The following DMD variants were observed in gnomAD, a reference collection of about 807,000 sequenced individuals.
The protein encoded by DMD is dystrophin.
Under a neutral mutation model 330.1 loss-of-function variants are expected in DMD, and 63 were observed. The observed-to-expected ratio is 0.19, with a 90% CI of 0.16 to 0.24. The LOEUF is 0.24. DMD is among the 10% of genes least tolerant of loss of function. The probability of loss-of-function intolerance (pLI) is 1.00; values close to 1 mark genes in which losing one functional copy is unlikely to be tolerated. For missense variants in DMD, 3,344 were observed against 2,684.1 expected (o/e 1.25, Z -5.43); for synonymous variants, 1,223 against 959.8 (o/e 1.27, Z -5.07).
rs1470748309 is a variant in DMD at position 32,734,119 on chromosome X, G to A, written c.650-34826C>T. ...CCCACAGAAATACAAACTACCATCAGAGAATACTACAAACACCTCTACGCA... is the reference window on the plus strand; with the variant it reads ...CCCACAGAAATACAAACTACCATCAAAGAATACTACAAACACCTCTACGCA... On this transcript the variant is annotated intron_variant, in intron 7 of 78. Transcript: ENST00000357033. Among the ~76,000 whole-genome samples, 281 of 108,225 alleles carry A rather than the reference G, an allele frequency of 2.6e-3. 2 individuals are homozygous for A. Among genetic ancestry groups the A allele is most frequent in the African/African-American group, 8.7e-3 (254 of 29,148 alleles). 94.0% of individuals were successfully genotyped at this position (108,225 alleles called of 115,157 possible). A position where few individuals can be genotyped will look rare whatever the true frequency, so the allele number is the denominator to read the frequency against.
chrX:31,763,707 T>TA (rs2089793667), intron 51 of DMD, among the ~76,000 whole-genome samples: 1 of 112,367 alleles, frequency 8.9e-6, no homozygotes, highest in Non-Finnish European at 1.9e-5. Context: ...ATAATCATTA[T>TA]ATTAATCAAC....
intron 2 of DMD, among the ~76,000 whole-genome samples, chrX:32,899,458 G>C (rs1243903723): frequency 1.8e-5 from 2 of 109,790 alleles, no homozygotes; most frequent in Non-Finnish European, 3.8e-5. Context: ...GGCGGATCAC[G>C]AGATCAAGAG....
intron 7 of DMD, among the ~76,000 whole-genome samples, chrX:32,717,475 A>T (rs2065849757): frequency 8.9e-6 from 1 of 111,840 alleles, no homozygotes; most frequent in South Asian, 3.7e-4. Context: ...GAGAGCATCC[A>T]CCTAGATTTC....
intron 1 of DMD, among the ~76,000 whole-genome samples, chrX:33,170,193 G>T (rs2049267598): frequency 9.0e-6 from 1 of 110,890 alleles, no homozygotes; most frequent in Non-Finnish European, 1.9e-5. Flanking sequence ...GAAGACGAGG[G>T]CTTTGCCGTT....
intron 4 of DMD, among the ~76,000 whole-genome samples, chrX:32,839,056 A>AT (rs1160407630): frequency 3.6e-5 from 4 of 111,874 alleles, no homozygotes; most frequent in African/African-American, 9.8e-5. Flanking sequence ...CTTATGACCC[A>AT]TTTAATTTCT....
At chrX:31,784,431 G>A (rs1036859652) in intron 50 of DMD, among the ~76,000 whole-genome samples, 5 of 111,743 alleles carry the variant, frequency 4.5e-5, no homozygotes, top group Non-Finnish European at 7.5e-5. Context: ...ATGGAAAACC[G>A]TATGGAAGTT....
intron 46 of DMD, 79 bp downstream of exon 46, chrX:31,932,001 C>A: frequency 9.1e-7 from 1 of 1,102,358 alleles, no homozygotes; most frequent in Non-Finnish European, 1.2e-6. Flanking sequence ...GGGCAGAAAA[C>A]CAATGATTGA....
chrX:32,192,170 G>C (rs1409277929), intron 44 of DMD, among the ~76,000 whole-genome samples: 4 of 111,559 alleles, frequency 3.6e-5, no homozygotes, highest in African/African-American at 1.3e-4. Context: ...AAGAATCCCT[G>C]GTTCCTTCAC....
chrX:31,926,495 C>A (rs905515141), intron 47 of DMD, among the ~76,000 whole-genome samples: 1 of 110,004 alleles, frequency 9.1e-6, no homozygotes. Flanking sequence ...GCCGACATGG[C>A]GAACCCTCCA....
At chrX:32,728,751 A>G (rs1449391324) in intron 7 of DMD, among the ~76,000 whole-genome samples, 3 of 111,437 alleles carry the variant, frequency 2.7e-5, no homozygotes, top group African/African-American at 9.8e-5. Context: ...ATTTTTTTGA[A>G]TCTCTTGGCT....
Position 32,590,573 on chromosome X carries a change from A to G in DMD, c.1602+5184T>C, listed in dbSNP as rs180893518. On this transcript the variant is annotated intron_variant, in intron 13 of 78. Coordinates refer to ENST00000357033, the MANE Select transcript of DMD (RefSeq NM_004006.3). ...AGAACAAAGCCAGGAGAACAGGGAT[A>G]AAGTAGCTTGCTTGGTAAGTTTACT... Among the ~76,000 whole-genome samples the G allele has an allele frequency of 2.7e-5, 3 of 111,569 alleles. No individual in the cohort carries two copies. In the Admixed American group the frequency reaches 2.8e-4, roughly 11 times the overall value.
intron 12 of DMD, among the ~76,000 whole-genome samples, chrX:32,605,906 G>A (rs1370422004): frequency 9.1e-6 from 1 of 109,889 alleles, no homozygotes; most frequent in Non-Finnish European, 1.9e-5. Flanking sequence ...TTAAAAATTT[G>A]TGGGTACAGA....
chrX:31,874,758 A>G (rs2093943461), intron 48 of DMD, among the ~76,000 whole-genome samples: 1 of 110,718 alleles, frequency 9.0e-6, no homozygotes, highest in Non-Finnish European at 1.9e-5. Flanking sequence ...GTTTTACAAG[A>G]ACCCTTTATC....
chrX:32,239,397 GA>G (rs1368183926), intron 43 of DMD, among the ~76,000 whole-genome samples: 2 of 111,230 alleles, frequency 1.8e-5, no homozygotes, highest in Non-Finnish European at 3.8e-5. Context: ...TAGCAAAATC[GA>G]GGGGAAAGTA....
chrX:32,056,314 A>C (rs2096172974), intron 44 of DMD, among the ~76,000 whole-genome samples: 1 of 108,809 alleles, frequency 9.2e-6, no homozygotes, highest in Non-Finnish European at 1.9e-5. Flanking sequence ...AATAGAAAAC[A>C]ATAGAAAAAT....
chrX:31,591,527 G>T (rs5927023), intron 55 of DMD, among the ~76,000 whole-genome samples: 40,167 of 110,207 alleles, frequency 0.36, 5,973 homozygotes, highest in African/African-American at 0.55. Context: ...AGAAGTTTAT[G>T]AAAGTCAGCA....
intron 1 of DMD, among the ~76,000 whole-genome samples, chrX:33,261,472 T>G (rs2052953911): frequency 9.0e-6 from 1 of 110,508 alleles, no homozygotes; most frequent in Non-Finnish European, 1.9e-5. Flanking sequence ...ATGTACAGGA[T>G]AAACTAGAAT....
chrX:31,151,458 G>A (rs1005276151), intron 74 of DMD, among the ~76,000 whole-genome samples: 2 of 112,078 alleles, frequency 1.8e-5, no homozygotes, highest in African/African-American at 6.5e-5. Context: ...TTTCACAAAG[G>A]TGCTGACAGG....
At chrX:32,528,537 G>A (rs1401332386) in intron 17 of DMD, among the ~76,000 whole-genome samples, 1 of 111,492 alleles carries the variant, frequency 9.0e-6, no homozygotes, top group Non-Finnish European at 1.9e-5. Flanking sequence ...CCTCCAAAGG[G>A]ACTTCCTCCT....
Sources: gnomAD v4.1 joint callset for allele counts (sites outside exome capture counted in the v4.1 genomes callset) on GRCh38, gnomAD v4.1.1 for gene constraint, MANE v1.5 for transcripts, NCBI Gene and HGNC (gene_info 2026-07-23, HGNC 2026-07-21) for gene names.